Variants in SLFN12L observed in about 807,000 individuals in gnomAD.
SLFN12L encodes schlafen family member 12 like, also known as schlafen family member 12-like.
In SLFN12L, 34 loss-of-function variants were observed where a neutral mutation model predicts 34.8. That is an observed-to-expected ratio of 0.98 (90% confidence interval 0.74 to 1.30). The LOEUF (loss-of-function observed/expected upper bound fraction) is 1.30. Ranked by LOEUF, SLFN12L falls within the 50% of genes most tolerant of loss-of-function variation. SLFN12L has a pLI of 0.00. For synonymous variants in SLFN12L, 259 were observed against 247.5 expected, an observed-to-expected ratio of 1.05 and a Z score of -0.44; for missense variants, 703 against 696.2, an observed-to-expected ratio of 1.01 and a Z score of -0.11.
chr17:35,515,889 G>T (rs1009975848), intron 2 of SLFN12L, among the ~76,000 whole-genome samples: 4 of 151,786 alleles, frequency 2.6e-5, no homozygotes, highest in African/African-American at 9.7e-5. Context: ...TGATCTACCC[G>T]CCTCTGCCTC....
At chr17:35,511,528 G>C (rs951931650) in intron 2 of SLFN12L, among the ~76,000 whole-genome samples, 1 of 151,968 alleles carries the variant, frequency 6.6e-6, no homozygotes, top group Non-Finnish European at 1.5e-5. Context: ...TTAAGCCCAG[G>C]AGTTAGAGAC....
At chr17:35,513,985 G>A (rs764638037) in intron 2 of SLFN12L, among the ~76,000 whole-genome samples, 6 of 152,186 alleles carry the variant, frequency 3.9e-5, no homozygotes, top group Non-Finnish European at 7.3e-5. Flanking sequence ...ACGTTCCTCA[G>A]ATGAAGGTGG....
rs1914787693 is a variant in SLFN12L at position 35,490,382 on chromosome 17, A to G, written c.87-10187T>C. ...CGATAGTCTCTTGATCTGCTCACCA[A>G]GAAGTTCATTCAGCTCCTGAACCAG... On this transcript the variant is annotated intron_variant, in intron 2 of 4. Transcript: ENST00000628453. 5.3e-6 allele frequency: 7 copies of G among 1,321,354 alleles called. No individual in the cohort carries two copies. In the South Asian group the frequency reaches 7.0e-5, roughly 13 times the overall value. 81.9% of individuals were successfully genotyped at this position (1,321,354 alleles called of 1,614,324 possible). A position where few individuals can be genotyped will look rare whatever the true frequency, so the allele number is the denominator to read the frequency against.
chr17:35,520,295 A>G (rs4795078), intron 2 of SLFN12L, among the ~76,000 whole-genome samples: 67,858 of 152,168 alleles, frequency 0.45, 16,997 homozygotes, highest in Admixed American at 0.56. Context: ...CTTTCTTCTG[A>G]TAACAAGACC....
At chr17:35,522,012 T>C (rs920635556) in intron 2 of SLFN12L, among the ~76,000 whole-genome samples, 2 of 151,986 alleles carry the variant, frequency 1.3e-5, no homozygotes, top group Non-Finnish European at 2.9e-5. Flanking sequence ...GAGATATACC[T>C]AATGTTAAAT....
chr17:35,515,726 C>T (rs1331177168), intron 2 of SLFN12L, among the ~76,000 whole-genome samples: 1 of 146,594 alleles, frequency 6.8e-6, no homozygotes. Flanking sequence ...TCACTGCAAC[C>T]TCCATCTCCC....
chr17:35,496,355 A>T (rs1201527199), intron 2 of SLFN12L, among the ~76,000 whole-genome samples: 1 of 152,178 alleles, frequency 6.6e-6, no homozygotes, highest in African/African-American at 2.4e-5. Context: ...TCAAAAAAAA[A>T]TAGATTTCTT....
intron 2 of SLFN12L, chr17:35,490,413 C>T (rs1375779067): frequency 4.9e-6 from 6 of 1,232,902 alleles, no homozygotes; most frequent in South Asian, 1.2e-5. Context: ...ACCAGTCACC[C>T]GATGGGGTCT....
At chr17:35,527,098 T>C (rs1189457395) in intron 1 of SLFN12L, among the ~76,000 whole-genome samples, 2 of 152,146 alleles carry the variant, frequency 1.3e-5, no homozygotes, top group African/African-American at 4.8e-5. Context: ...GCAAATAAAC[T>C]AGAAAATCTA....
Position 35,475,083 on chromosome 17 carries a change from A to G in SLFN12L, c.1679T>C (p.Ile560Thr). 1.7e-5 allele frequency: 27 copies of G among 1,614,090 alleles called. No individual in the cohort carries two copies. The highest frequency in any genetic ancestry group is 2.2e-5 in the Non-Finnish European group (26 of 1,179,928). ...SCQYDLNSQV[I>T]YPESYYWTTA... The stretch of plus-strand genomic sequence containing the variant: ...TGTCCAATAGTAGGATTCAGGGTAA[A>G]TTACTTGCGAGTTTAAATCATACTG... Residue 560 changes from isoleucine to threonine, a missense_variant, in exon 5 of 5, where the codon ATT becomes ACT. Transcript: ENST00000628453.
At chr17:35,526,145 C>A (rs989201883) in intron 1 of SLFN12L, among the ~76,000 whole-genome samples, 9 of 152,116 alleles carry the variant, frequency 5.9e-5, no homozygotes, top group Non-Finnish European at 1.2e-4. Flanking sequence ...ATCAATGCAA[C>A]AAAAAGAGCT....
chr17:35,518,687 G>A (rs1427313710), intron 2 of SLFN12L, among the ~76,000 whole-genome samples: 1 of 152,020 alleles, frequency 6.6e-6, no homozygotes, highest in Non-Finnish European at 1.5e-5. Flanking sequence ...TTATTAAAAA[G>A]TCAGAAAACA....
intron 4 of SLFN12L, among the ~76,000 whole-genome samples, chr17:35,476,498 GAA>G (rs1184098091): frequency 2.0e-5 from 3 of 149,656 alleles, no homozygotes; most frequent in African/African-American, 7.5e-5. Context: ...AGGAAGGAAG[GAA>G]GGAAGGAAGG....
chr17:35,507,825 C>T (rs978078908), intron 2 of SLFN12L, among the ~76,000 whole-genome samples: 13 of 152,162 alleles, frequency 8.5e-5, no homozygotes, highest in East Asian at 1.9e-4. Flanking sequence ...GAATCACTAT[C>T]GATCTGTCTT....
At chr17:35,523,215 A>G (rs1401889318) in intron 1 of SLFN12L, among the ~76,000 whole-genome samples, 3 of 152,200 alleles carry the variant, frequency 2.0e-5, no homozygotes, top group Non-Finnish European at 4.4e-5. Context: ...TCTCATTTGT[A>G]AAACAAAACT....
chr17:35,508,588 T>C (rs908807020), intron 2 of SLFN12L, among the ~76,000 whole-genome samples: 1 of 152,190 alleles, frequency 6.6e-6, no homozygotes, highest in African/African-American at 2.4e-5. Context: ...GACCTCGTGA[T>C]CTGCCCACCT....
chr17:35,498,199 G>GCCTGGGGAGCCGGGGCCA, intron 2 of SLFN12L: 1 of 715,272 alleles, frequency 1.4e-6, no homozygotes, highest in Non-Finnish European at 2.6e-6. Flanking sequence ...AGCCGGGGCC[G>GCCTGGGGAGCCGGGGCCA]CCTGGGATGT....
chr17:35,500,728 C>CAA (rs35924671), intron 2 of SLFN12L, among the ~76,000 whole-genome samples: 13 of 132,684 alleles, frequency 9.8e-5, no homozygotes, highest in African/African-American at 3.0e-4. Flanking sequence ...GACTCTGTCT[C>CAA]AAAAAAAAAA....
At chr17:35,536,983 C>T (rs2072468385) in intron 1 of SLFN12L, among the ~76,000 whole-genome samples, 3 of 151,888 alleles carry the variant, frequency 2.0e-5, no homozygotes, top group Non-Finnish European at 2.9e-5. Context: ...TGAAACCAGC[C>T]TGGTCAATCT....
Sources: gnomAD v4.1 joint callset for allele counts (sites outside exome capture counted in the v4.1 genomes callset) on GRCh38, gnomAD v4.1.1 for gene constraint, MANE v1.5 for transcripts, NCBI Gene and HGNC (gene_info 2026-07-23, HGNC 2026-07-21) for gene names.